The following ESCO1 variants were observed in gnomAD, a reference collection of about 807,000 sequenced individuals.
The protein encoded by ESCO1 is N-acetyltransferase ESCO1.
In ESCO1, 33 loss-of-function variants were observed where a neutral mutation model predicts 83.5. That is an observed-to-expected ratio of 0.40 (90% CI 0.30 to 0.53). The LOEUF is 0.53. Ranked by LOEUF, ESCO1 falls within the 20% of genes least tolerant of loss-of-function variation. The pLI, the probability that ESCO1 is intolerant of heterozygous loss-of-function variation, is 0.63. For synonymous variants in ESCO1, 332 were observed against 324.3 expected (o/e 1.02, Z -0.25); for missense variants, 855 against 968.0 (o/e 0.88, Z 1.55).
intron 8 of ESCO1, among the ~76,000 whole-genome samples, chr18:21,545,311 T>C (rs1162145898): frequency 2.0e-5 from 3 of 152,098 alleles, no homozygotes; most frequent in Non-Finnish European, 2.9e-5. Context: ...CGGTGGCTCA[T>C]GCCTGTAATC....
Position 21,592,576 on chromosome 18 carries a change from G to A in ESCO1, c.-825+8047C>T, listed in dbSNP as rs1482604384. On this transcript the variant is annotated intron_variant, in intron 1 of 11. Coordinates refer to ENST00000269214, the MANE Select transcript of ESCO1 (RefSeq NM_052911.3). ...GGGGCTGACCCCCCACCTCCCTCCCGGACGGGGCGGCTGGTGGGGCGGGAG... is the reference window on the plus strand; with the variant it reads ...GGGGCTGACCCCCCACCTCCCTCCCAGACGGGGCGGCTGGTGGGGCGGGAG... Among the ~76,000 whole-genome samples, 95 of 147,360 alleles carry A rather than the reference G, an allele frequency of 6.4e-4. No individual in the cohort carries two copies. The Middle Eastern group carries it at 0.011, about 18-fold the overall frequency.
chr18:21,583,558 C>T (rs952427502), intron 2 of ESCO1, among the ~76,000 whole-genome samples: 1 of 151,438 alleles, frequency 6.6e-6, no homozygotes, highest in African/African-American at 2.4e-5. Context: ...GCAGGAGAAC[C>T]GCTTGAACCC....
chr18:21,588,675 G>C (rs1034314886), intron 1 of ESCO1, among the ~76,000 whole-genome samples: 5 of 152,112 alleles, frequency 3.3e-5, no homozygotes, highest in Admixed American at 6.6e-5. Flanking sequence ...CTAACACTAT[G>C]GGAGGCTGAG....
chr18:21,582,823 T>C (rs2038520888), intron 2 of ESCO1, among the ~76,000 whole-genome samples: 1 of 152,274 alleles, frequency 6.6e-6, no homozygotes, highest in Admixed American at 6.5e-5. Context: ...TCAGGTACCT[T>C]ACATTACTAC....
Position 21,575,152 on chromosome 18 carries a change from AG to A in ESCO1, c.-310del, listed in dbSNP as rs765125583. The A allele has an allele frequency of 5.4e-6, 2 of 371,544 alleles. No homozygotes were observed. Among genetic ancestry groups the A allele is most frequent in the Non-Finnish European group, 9.5e-6 (2 of 210,820 alleles). 23.0% of individuals were successfully genotyped at this position (371,544 alleles called of 1,614,324 possible). A position where few individuals can be genotyped will look rare whatever the true frequency, so the allele number is the denominator to read the frequency against. ...TTTTTTATCAAAAGAAATTTAATTC[AG>A]GTTCAATCTGTTTTGTTAATTTTTT... On this transcript the variant is annotated 5_prime_UTR_variant, in exon 4 of 12. Transcript: ENST00000269214.
intron 1 of ESCO1, 118 bp from the exon 2 acceptor site, chr18:21,584,558 G>A (rs1376584161): frequency 6.6e-6 from 1 of 152,088 alleles, no homozygotes; most frequent in Non-Finnish European, 1.5e-5. Flanking sequence ...TGTAATTGTA[G>A]CACTTTGGGA....
chr18:21,559,094 T>C (rs1346609882), intron 8 of ESCO1, among the ~76,000 whole-genome samples: 1 of 152,212 alleles, frequency 6.6e-6, no homozygotes, highest in Admixed American at 6.5e-5. Flanking sequence ...CTCCATACAC[T>C]ATAGAATACC....
At position 21,574,830 on chromosome 18, in the gene ESCO1, T is replaced by C. The variant is rs376095608; in HGVS notation, c.14A>G (p.Gln5Arg). Reference protein sequence around the residue: MMSIQEKSKENSSKV... With the variant: MMSIREKSKENSSKV... ...GGAGGAATTCTCTTTTGATTTCTCC[T>C]GAATGGACATCATTCCTGAGTAATG... Residue 5 changes from glutamine to arginine, a missense_variant, in exon 4 of 12, where the codon CAG (glutamine) becomes CGG (arginine). Physicochemically the swap from Gln to Arg is conservative, Grantham distance 43. This residue lies in a region of ESCO1 where 726 missense variants were observed against 699.5 expected (regional missense o/e 1.04). Coordinates refer to ENST00000269214, the MANE Select transcript of ESCO1 (RefSeq NM_052911.3). 4.8e-5 allele frequency: 76 copies of C among 1,587,040 alleles called. No individual in the cohort carries two copies. The highest frequency in any genetic ancestry group is 1.7e-4 in the Middle Eastern group (1 of 5,876).
chr18:21,566,257 T>C lies in ESCO1; in HGVS notation c.1646-51A>G, dbSNP rs531420025. 6.6e-5 allele frequency: 100 copies of C among 1,506,452 alleles called. No individual in the cohort carries two copies. The South Asian group carries it at 7.9e-4, about 12-fold the overall frequency. The allele number at this position is 1,506,452 out of a possible 1,614,324, so 93.3% of individuals were successfully genotyped here. A position where few individuals can be genotyped will look rare whatever the true frequency, so the allele number is the denominator to read the frequency against. On this transcript the variant is annotated intron_variant, in intron 5 of 11. Transcript: ENST00000269214. Reference sequence around the variant, plus strand: ...TATATATTGAGTTTTATACTAGTTTTCCATCTAATGGATAAAATCATTATA... The same window carrying C: ...TATATATTGAGTTTTATACTAGTTTCCCATCTAATGGATAAAATCATTATA...
rs35472054 is a variant in ESCO1 at position 21,568,902 on chromosome 18, C to CA, written c.1531-809dup. ...TAGGTGACAAAGCTAGACTCCATCT[C>CA]AAAAAAAAAAAAAAAGACAGGTTAA... is the stretch of plus-strand genomic sequence containing the variant. On this transcript the variant is annotated intron_variant, in intron 4 of 11. Transcript: ENST00000269214. Among the ~76,000 whole-genome samples the CA allele has an allele frequency of 4.5e-3, 453 of 101,620 alleles. 1 individual carries two copies. Among genetic ancestry groups the CA allele is most frequent in the Middle Eastern group, 0.011 (2 of 182 alleles). 66.7% of individuals were successfully genotyped at this position (101,620 alleles called of 152,430 possible). A position where few individuals can be genotyped will look rare whatever the true frequency, so the allele number is the denominator to read the frequency against.
intron 8 of ESCO1, among the ~76,000 whole-genome samples, chr18:21,541,313 A>C (rs937085103): frequency 6.6e-6 from 1 of 152,116 alleles, no homozygotes; most frequent in Non-Finnish European, 1.5e-5. Flanking sequence ...TAAAAAAGAA[A>C]CTTAAGGCCG....
intron 6 of ESCO1, among the ~76,000 whole-genome samples, chr18:21,564,755 C>A (rs1220004842): frequency 6.6e-6 from 1 of 151,832 alleles, no homozygotes; most frequent in African/African-American, 2.4e-5. Context: ...GGGAGAAAAA[C>A]CTTTTAAAAA....
rs373998768 is a variant in ESCO1, at chr18:21,532,556, A to G, written c.2292T>C (p.Pro764=). Reference sequence around the variant, plus strand: ...ATATTCGACTGATCCCGCAGATTGCAGGCTCTGGTAATGTTGAGCAGCACC... The same window carrying G: ...ATATTCGACTGATCCCGCAGATTGCGGGCTCTGGTAATGTTGAGCAGCACC... ...KAWCCSTLPE[P]AICGISRIWV... Residue 764 remains proline, a synonymous_variant, in exon 11 of 12, where the codon CCT becomes CCC. Transcript: ENST00000269214. The G allele has an allele frequency of 6.2e-6, 10 of 1,614,032 alleles. No homozygotes were observed. The highest frequency in any genetic ancestry group is 7.6e-6 in the Non-Finnish European group (9 of 1,180,026).
At chr18:21,593,746 T>C (rs2038720197) in intron 1 of ESCO1, among the ~76,000 whole-genome samples, 1 of 151,716 alleles carries the variant, frequency 6.6e-6, no homozygotes, top group Admixed American at 6.6e-5. Flanking sequence ...CAAATCTGAG[T>C]CTAGTGGCTT....
chr18:21,533,175 TA>T (rs903852133), intron 10 of ESCO1, among the ~76,000 whole-genome samples: 74 of 149,086 alleles, frequency 5.0e-4, no homozygotes, highest in South Asian at 1.5e-3. Flanking sequence ...GCAATCTCTT[TA>T]AAAAAAAAAT....
At chr18:21,576,947 C>A (rs997029540) in intron 2 of ESCO1, among the ~76,000 whole-genome samples, 8 of 151,728 alleles carry the variant, frequency 5.3e-5, no homozygotes, top group African/African-American at 1.9e-4. Flanking sequence ...GCAGGAGAAT[C>A]GCTTGAACTC....
intron 1 of ESCO1, among the ~76,000 whole-genome samples, chr18:21,595,627 C>T (rs924250434): frequency 2.0e-5 from 3 of 150,366 alleles, no homozygotes; most frequent in East Asian, 3.9e-4. Flanking sequence ...AAGATTGCGC[C>T]GCTGCACTCT....
chr18:21,532,473 C>T lies in ESCO1; in HGVS notation c.2375G>A (p.Arg792Lys), dbSNP rs1235978468. The T allele has an allele frequency of 6.2e-7, 1 of 1,608,870 alleles. No homozygotes were observed. Among genetic ancestry groups the T allele is most frequent in the Non-Finnish European group, 8.5e-7 (1 of 1,175,910 alleles). The change falls in exon 11 of 12, where the codon AGG (arginine) becomes AAG (lysine). Residue 792 changes from arginine (R) to lysine (K), a missense_variant and splice_region_variant. Arg to Lys is a conservative substitution (Grantham distance 26). Coordinates refer to ENST00000269214, the MANE Select transcript of ESCO1 (RefSeq NM_052911.3). ...ATTTGAAGGATTACATTCAAGTTAC[C>T]TTAGGCATTCAATCATGCGAGAAGC... ...KIASRMIECL[R>K]SNFIYGSYLS...
chr18:21,573,504 T>G lies in ESCO1; in HGVS notation c.1340A>C (p.Asn447Thr). Reference protein sequence around the residue: ...TFLGTKLHDRNITCQQEKMKE... With the variant: ...TFLGTKLHDRTITCQQEKMKE... ...CATTTTTTCCTGCTGGCAAGTTATATTTCTATCATGTAGCTTTGTCCCTAA... is the reference window on the plus strand; with the variant it reads ...CATTTTTTCCTGCTGGCAAGTTATAGTTCTATCATGTAGCTTTGTCCCTAA... The change falls in exon 4 of 12, where the codon AAT becomes ACT. Residue 447 changes from asparagine to threonine, a missense_variant. Asn to Thr is a moderately conservative substitution (Grantham distance 65). Around this residue, in one of 2 missense-constraint regions of ESCO1, gnomAD observed 726 missense variants for 699.5 expected, o/e 1.04. Coordinates refer to ENST00000269214, the MANE Select transcript of ESCO1 (RefSeq NM_052911.3). 1 of 1,612,996 alleles carries G rather than the reference T, an allele frequency of 6.2e-7. No individual in the cohort carries two copies. The highest frequency in any genetic ancestry group is 8.5e-7 in the Non-Finnish European group (1 of 1,179,762).
Sources: allele counts gnomAD v4.1 joint callset (sites outside exome capture counted in the v4.1 genomes callset), GRCh38; gene constraint gnomAD v4.1.1; regional missense constraint gnomAD v4.1.1; transcripts MANE v1.5; gene names NCBI Gene and HGNC (gene_info 2026-07-23, HGNC 2026-07-21).